GPC3: variants seen among roughly 807,000 people sequenced by gnomAD.
GPC3 encodes glypican-3.
GPC3 carries 3 observed loss-of-function variants against 34.4 expected under a neutral mutation model. That is an observed-to-expected ratio of 0.09 (90% CI 0.04 to 0.23). The LOEUF is 0.23. GPC3 is among the 10% of genes least tolerant of loss of function. GPC3 has a pLI of 1.00. For missense variants in GPC3, 351 were observed against 445.6 expected, an observed-to-expected ratio of 0.79 and a Z score of 1.91; for synonymous variants, 177 against 174.0, an observed-to-expected ratio of 1.02 and a Z score of -0.13.
intron 5 of GPC3, chrX:133,670,895 C>T (rs949652586): frequency 6.0e-6 from 2 of 330,990 alleles, no homozygotes; most frequent in African/African-American, 5.2e-5. Context: ...AAACAATTAG[C>T]TTCTTCTTTA....
intron 7 of GPC3, among the ~76,000 whole-genome samples, chrX:133,576,332 C>T (rs1376425807): frequency 1.8e-5 from 2 of 111,365 alleles, no homozygotes; most frequent in African/African-American, 6.5e-5. Flanking sequence ...CAACCTCCTC[C>T]TCCTGGGTTC....
intron 2 of GPC3, among the ~76,000 whole-genome samples, chrX:133,937,208 C>T (rs982245474): frequency 8.1e-5 from 9 of 111,183 alleles, no homozygotes; most frequent in Admixed American, 2.9e-4. Flanking sequence ...CCTGTTACTC[C>T]TAGTCTAATG....
chrX:133,750,911 T>C (rs188994514), intron 3 of GPC3, among the ~76,000 whole-genome samples: 3 of 108,265 alleles, frequency 2.8e-5, no homozygotes, highest in South Asian at 4.2e-4. Flanking sequence ...CCATCTCTAC[T>C]AAAAATACAG....
intron 5 of GPC3, among the ~76,000 whole-genome samples, chrX:133,689,408 G>A (rs750430622): frequency 3.6e-5 from 4 of 111,460 alleles, no homozygotes; most frequent in Middle Eastern, 4.7e-3. Context: ...AGCAGGCTTC[G>A]GAATCCACCA....
chrX:133,580,561 A>G (rs1179372783), intron 7 of GPC3, among the ~76,000 whole-genome samples: 1 of 112,144 alleles, frequency 8.9e-6, no homozygotes. Flanking sequence ...AATCAAAAAG[A>G]TATCAGTTCA....
intron 1 of GPC3, among the ~76,000 whole-genome samples, chrX:133,969,641 A>G (rs1242989425): frequency 9.0e-6 from 1 of 111,718 alleles, no homozygotes; most frequent in Non-Finnish European, 1.9e-5. Flanking sequence ...TTAAAAAAAA[A>G]CATCTGAGTG....
At chrX:133,700,120 A>G in intron 3 of GPC3, 92 bp from the exon 4 acceptor site, 2 of 678,051 alleles carry the variant, frequency 2.9e-6, no homozygotes, top group South Asian at 4.8e-5. Flanking sequence ...TCTTCCCCCA[A>G]TTTTAAATAG....
At chrX:133,802,488 A>C (rs1426911962) in intron 2 of GPC3, among the ~76,000 whole-genome samples, 1 of 112,052 alleles carries the variant, frequency 8.9e-6, no homozygotes, top group East Asian at 2.8e-4. Flanking sequence ...ACTCATAATG[A>C]TGATCACCTG....
intron 6 of GPC3, among the ~76,000 whole-genome samples, chrX:133,617,646 A>G (rs751394092): frequency 8.9e-6 from 1 of 112,469 alleles, no homozygotes; most frequent in African/African-American, 3.2e-5. Flanking sequence ...AGGGATTACA[A>G]TGACAAACCT....
At chrX:133,765,651 A>G in intron 2 of GPC3, among the ~76,000 whole-genome samples, 1 of 111,641 alleles carries the variant, frequency 9.0e-6, no homozygotes. Context: ...TCAGACACTA[A>G]ATTAATATCC....
chrX:133,826,732 C>G (rs1461441998), intron 2 of GPC3, among the ~76,000 whole-genome samples: 1 of 111,469 alleles, frequency 9.0e-6, no homozygotes, highest in Non-Finnish European at 1.9e-5. Context: ...GATATCCACA[C>G]CTAGACACAT....
At chrX:133,711,546 C>T (rs1402373690) in intron 3 of GPC3, among the ~76,000 whole-genome samples, 1 of 111,322 alleles carries the variant, frequency 9.0e-6, no homozygotes, top group African/African-American at 3.3e-5. Flanking sequence ...ATCCCAACGG[C>T]CTCTTAATTG....
intron 2 of GPC3, among the ~76,000 whole-genome samples, chrX:133,803,168 G>A (rs1271324930): frequency 9.0e-6 from 1 of 111,563 alleles, no homozygotes; most frequent in Non-Finnish European, 1.9e-5. Flanking sequence ...CTCGTGATCC[G>A]CCCACCCTGG....
At chrX:133,635,045 A>C (rs2070405117) in intron 6 of GPC3, among the ~76,000 whole-genome samples, 1 of 111,091 alleles carries the variant, frequency 9.0e-6, no homozygotes, top group South Asian at 3.9e-4. Context: ...GCCGTCGGCC[A>C]GGAAACACAT....
intron 6 of GPC3, among the ~76,000 whole-genome samples, chrX:133,631,328 T>A (rs1386698297): frequency 8.9e-6 from 1 of 112,067 alleles, no homozygotes; most frequent in Admixed American, 9.5e-5. Flanking sequence ...ACTCTAGATA[T>A]CTTATATAAG....
intron 6 of GPC3, among the ~76,000 whole-genome samples, 166 bp from the exon 7 acceptor site, chrX:133,596,765 T>C (rs769721790): frequency 1.7e-4 from 19 of 112,229 alleles, no homozygotes; most frequent in Admixed American, 1.5e-3. Flanking sequence ...CTCTTTAGAG[T>C]TTCAGACTTC....
At chrX:133,881,280 C>G (rs1458525168) in intron 2 of GPC3, among the ~76,000 whole-genome samples, 1 of 111,680 alleles carries the variant, frequency 9.0e-6, no homozygotes, top group African/African-American at 3.3e-5. Flanking sequence ...ACATGGTCCA[C>G]TGGAAGACCG....
chrX:133,870,052 C>A (rs2075987703), intron 2 of GPC3, among the ~76,000 whole-genome samples: 1 of 112,226 alleles, frequency 8.9e-6, no homozygotes, highest in Admixed American at 9.4e-5. Context: ...CACAAGAATT[C>A]AACTCTGATT....
At chrX:133,807,385 G>A (rs61079055) in intron 2 of GPC3, among the ~76,000 whole-genome samples, 10 of 111,947 alleles carry the variant, frequency 8.9e-5, no homozygotes, top group African/African-American at 2.9e-4. Context: ...ATAACCTGCA[G>A]AACTATAAGC....
Sources: allele counts gnomAD v4.1 joint callset (sites outside exome capture counted in the v4.1 genomes callset), GRCh38; gene constraint gnomAD v4.1.1; transcripts MANE v1.5; gene names NCBI Gene and HGNC (gene_info 2026-07-23, HGNC 2026-07-21).